Variants in PLCL1 observed in about 807,000 individuals in gnomAD.
The protein encoded by PLCL1 is inactive phospholipase C-like protein 1.
A neutral mutation model predicts 84.4 loss-of-function variants in PLCL1; 41 were observed. The ratio of observed to expected loss-of-function variants is 0.49; its 90% confidence interval spans 0.38 to 0.63. The LOEUF (loss-of-function observed/expected upper bound fraction) is 0.63. PLCL1 is among the 30% of genes least tolerant of loss of function. PLCL1 has a pLI of 0.00. For missense variants in PLCL1, 1,206 were observed against 1,367.8 expected (o/e 0.88, Z 1.87); for synonymous variants, 490 against 488.3 (o/e 1.00, Z -0.05).
At chr2:198,119,434 A>T (rs768775034) in intron 5 of PLCL1, among the ~76,000 whole-genome samples, 2 of 151,972 alleles carry the variant, frequency 1.3e-5, no homozygotes, top group Non-Finnish European at 2.9e-5. Context: ...CCGTGTCTTC[A>T]CATTTTATAT....
intron 1 of PLCL1, among the ~76,000 whole-genome samples, chr2:197,943,575 T>G (rs941432595): frequency 1.3e-5 from 2 of 152,024 alleles, no homozygotes; most frequent in African/African-American, 2.4e-5. Context: ...TTCCTATACC[T>G]TTCCTCACTT....
intron 1 of PLCL1, among the ~76,000 whole-genome samples, chr2:197,846,500 A>G (rs1168143098): frequency 6.6e-6 from 1 of 152,134 alleles, no homozygotes; most frequent in Non-Finnish European, 1.5e-5. Context: ...AAAAGTTAAA[A>G]TTAGGAATCT....
chr2:197,952,761 G>A (rs1031855698), intron 1 of PLCL1, among the ~76,000 whole-genome samples: 2 of 152,020 alleles, frequency 1.3e-5, no homozygotes, highest in Admixed American at 6.6e-5. Context: ...TGTTCTTGTG[G>A]TAGTGAATAA....
chr2:197,996,701 A>C (rs1425286917), intron 1 of PLCL1, among the ~76,000 whole-genome samples: 1 of 152,102 alleles, frequency 6.6e-6, no homozygotes, highest in South Asian at 2.1e-4. Flanking sequence ...TTTCAGGCTT[A>C]CATAATACAG....
intron 1 of PLCL1, among the ~76,000 whole-genome samples, chr2:198,044,638 A>T (rs1217431686): frequency 6.6e-6 from 1 of 152,190 alleles, no homozygotes; most frequent in African/African-American, 2.4e-5. Context: ...ATTTAGTAAG[A>T]CTTTAAACTG....
chr2:198,143,033 T>G (rs545385057), intron 5 of PLCL1, among the ~76,000 whole-genome samples: 150 of 152,304 alleles, frequency 9.8e-4, no homozygotes, highest in African/African-American at 3.4e-3. Context: ...CTGGGGTTCC[T>G]CCTCTTCCCT....
At chr2:198,129,024 C>G (rs1380750188) in intron 5 of PLCL1, among the ~76,000 whole-genome samples, 2 of 152,136 alleles carry the variant, frequency 1.3e-5, no homozygotes, top group Non-Finnish European at 2.9e-5. Context: ...CTCTTTGTAG[C>G]AATAAGATAC....
chr2:198,026,358 T>A (rs1041779436), intron 1 of PLCL1, among the ~76,000 whole-genome samples: 6 of 152,190 alleles, frequency 3.9e-5, no homozygotes, highest in African/African-American at 1.4e-4. Context: ...GGAGCATGTT[T>A]TGGGAAAGTT....
chr2:197,891,165 G>C (rs1204535578), intron 1 of PLCL1, among the ~76,000 whole-genome samples: 1 of 151,996 alleles, frequency 6.6e-6, no homozygotes, highest in Non-Finnish European at 1.5e-5. Context: ...CCTACATTTA[G>C]GTACTGAAAG....
rs572578621 is a variant in PLCL1, at chr2:198,139,493, AG to A, written c.3106-7285del. On this transcript the variant is annotated intron_variant, in intron 5 of 5. Transcript: ENST00000428675. ...TTAAGTACAGGCATCTGCCTACTTCAGGTTTCTGGTGTGCCTGCCTGACATT... is the reference window on the plus strand; with the variant it reads ...TTAAGTACAGGCATCTGCCTACTTCAGTTTCTGGTGTGCCTGCCTGACATT... 5.6e-3 allele frequency among the ~76,000 whole-genome samples: 851 copies of A among 152,298 alleles called. 4 individuals carry two copies. Among genetic ancestry groups the A allele is most frequent in the Non-Finnish European group, 8.5e-3 (579 of 68,018 alleles).
intron 1 of PLCL1, among the ~76,000 whole-genome samples, chr2:197,895,111 A>G (rs1166789337): frequency 2.0e-5 from 3 of 152,032 alleles, no homozygotes; most frequent in African/African-American, 7.2e-5. Flanking sequence ...ATACACAGCA[A>G]TTATGTTTAA....
At chr2:198,008,723 A>G (rs1690793193) in intron 1 of PLCL1, among the ~76,000 whole-genome samples, 1 of 152,018 alleles carries the variant, frequency 6.6e-6, no homozygotes, top group African/African-American at 2.4e-5. Flanking sequence ...ATACCCACAA[A>G]TGGGATTGTT....
At chr2:197,901,526 C>T (rs1157688517) in intron 1 of PLCL1, among the ~76,000 whole-genome samples, 4 of 151,918 alleles carry the variant, frequency 2.6e-5, no homozygotes, top group Non-Finnish European at 4.4e-5. Flanking sequence ...GCATAGAGAT[C>T]GAATATTATG....
chr2:198,131,314 C>T (rs1428612363), intron 5 of PLCL1, among the ~76,000 whole-genome samples: 3 of 152,168 alleles, frequency 2.0e-5, no homozygotes, highest in Non-Finnish European at 2.9e-5. Flanking sequence ...TCTCCTGCCT[C>T]CCATCTTCAA....
At chr2:197,932,405 G>C (rs1286084278) in intron 1 of PLCL1, among the ~76,000 whole-genome samples, 1 of 152,024 alleles carries the variant, frequency 6.6e-6, no homozygotes, top group Non-Finnish European at 1.5e-5. Flanking sequence ...GCAGGACGTG[G>C]AGGTTTGTTA....
At chr2:197,847,078 A>G (rs1019891734) in intron 1 of PLCL1, among the ~76,000 whole-genome samples, 3 of 152,134 alleles carry the variant, frequency 2.0e-5, no homozygotes, top group Non-Finnish European at 2.9e-5. Context: ...CAGTAGTCCC[A>G]GTGAGAAAAG....
At chr2:198,141,247 C>A (rs1426630145) in intron 5 of PLCL1, among the ~76,000 whole-genome samples, 1 of 152,108 alleles carries the variant, frequency 6.6e-6, no homozygotes, top group African/African-American at 2.4e-5. Context: ...AACAGTAAAT[C>A]TGAGCATTGA....
chr2:197,935,874 C>T (rs1689042681), intron 1 of PLCL1, among the ~76,000 whole-genome samples: 2 of 152,204 alleles, frequency 1.3e-5, no homozygotes, highest in South Asian at 2.1e-4. Context: ...CTATCTGACA[C>T]TTTGCACCCC....
At chr2:198,099,509 CAGAG>C (rs1301531536) in intron 3 of PLCL1, among the ~76,000 whole-genome samples, 1 of 151,956 alleles carries the variant, frequency 6.6e-6, no homozygotes, top group African/African-American at 2.4e-5. Context: ...AAGCTGTTGA[CAGAG>C]AGAAAAATCA....
Sources: gnomAD v4.1 joint callset for allele counts (sites outside exome capture counted in the v4.1 genomes callset) on GRCh38, gnomAD v4.1.1 for gene constraint, MANE v1.5 for transcripts, NCBI Gene and HGNC (gene_info 2026-07-23, HGNC 2026-07-21) for gene names.